ACTR3C: variants seen among roughly 807,000 people sequenced by gnomAD.
ACTR3C encodes the protein actin-related protein 3C.
In ACTR3C, 18 loss-of-function variants were observed where a neutral mutation model predicts 26.3. That is an observed-to-expected ratio of 0.68 (90% confidence interval 0.47 to 1.01). The LOEUF is 1.01. Among genes scored for constraint, ACTR3C ranks in the 50% least tolerant of loss-of-function variants. ACTR3C has a pLI of 0.00. For synonymous variants in ACTR3C, 55 were observed against 94.5 expected (o/e 0.58, Z 2.42); for missense variants, 184 against 250.7 (o/e 0.73, Z 1.80).
chr7:150,194,492 A>G, the ACTR3C span, among the ~76,000 whole-genome samples: 2 of 149,472 alleles, frequency 1.3e-5, no homozygotes, highest in African/African-American at 4.9e-5. Context: ...AAGAGCTTAT[A>G]GTTTTTTCTT....
the ACTR3C span, among the ~76,000 whole-genome samples, chr7:149,908,232 C>G: frequency 5.3e-5 from 8 of 152,280 alleles, no homozygotes; most frequent in East Asian, 1.9e-4. Flanking sequence ...TCTTGGACTT[C>G]CAACCTCCAG....
chr7:150,195,593 G>A, the ACTR3C span, among the ~76,000 whole-genome samples: 5 of 143,642 alleles, frequency 3.5e-5, no homozygotes, highest in African/African-American at 3.0e-5. Context: ...ATCACTTCAG[G>A]GGGGGCCAGG....
At chr7:150,200,652 T>A in the ACTR3C span, among the ~76,000 whole-genome samples, 1 of 152,150 alleles carries the variant, frequency 6.6e-6, no homozygotes, top group East Asian at 1.9e-4. Flanking sequence ...CCAGCACAAC[T>A]GCCTTGAAAA....
At chr7:150,035,916 G>A in the ACTR3C span, among the ~76,000 whole-genome samples, 1 of 138,180 alleles carries the variant, frequency 7.2e-6, no homozygotes, top group Admixed American at 6.9e-5. Context: ...CCCTCGCGGG[G>A]GGTGCCTCGC....
the ACTR3C span, among the ~76,000 whole-genome samples, chr7:150,163,413 C>T: frequency 6.6e-6 from 1 of 151,034 alleles, no homozygotes. Context: ...TATACACATA[C>T]ACACTTATCT....
the ACTR3C span, among the ~76,000 whole-genome samples, chr7:150,225,342 T>A: frequency 1.3e-5 from 2 of 152,204 alleles, no homozygotes. Flanking sequence ...TATGTCTATA[T>A]TCAGCCAAAT....
intron 6 of ACTR3C, chr7:150,264,881 T>G (rs1262283710): frequency 2.0e-6 from 2 of 981,122 alleles, no homozygotes; most frequent in Non-Finnish European, 2.4e-6. Flanking sequence ...TTTGCTGTGG[T>G]AGAAAATAGA....
the ACTR3C span, among the ~76,000 whole-genome samples, chr7:149,980,732 C>G: frequency 6.6e-6 from 1 of 152,156 alleles, no homozygotes; most frequent in African/African-American, 2.4e-5. Flanking sequence ...GTATGTCTTA[C>G]CTAACAGGCA....
the ACTR3C span, among the ~76,000 whole-genome samples, chr7:150,231,193 C>A: frequency 6.6e-6 from 1 of 152,036 alleles, no homozygotes; most frequent in East Asian, 1.9e-4. Context: ...TTATTTAGAT[C>A]GTGCGATATT....
At chr7:150,111,079 T>C in the ACTR3C span, among the ~76,000 whole-genome samples, 39,568 of 143,574 alleles carry the variant, frequency 0.28, 5,905 homozygotes, top group African/African-American at 0.34. Context: ...ACCTCACAGG[T>C]ACCCACATCC....
At chr7:149,893,580 A>G in the ACTR3C span, among the ~76,000 whole-genome samples, 3 of 152,254 alleles carry the variant, frequency 2.0e-5, no homozygotes, top group African/African-American at 7.2e-5. Context: ...CTTCTAAGAC[A>G]CAGACAGGAT....
At chr7:150,118,265 G>A in the ACTR3C span, among the ~76,000 whole-genome samples, 1 of 152,004 alleles carries the variant, frequency 6.6e-6, no homozygotes, top group South Asian at 2.1e-4. Flanking sequence ...GCTTCAGAAG[G>A]TGGATAATAA....
At chr7:150,249,701 T>C (rs2888650) in intron 6 of ACTR3C, among the ~76,000 whole-genome samples, 10,527 of 152,226 alleles carry the variant, frequency 0.069, 1,203 homozygotes, top group African/African-American at 0.24. Flanking sequence ...GTGATCCGCC[T>C]GCCTCGGCCT....
At chr7:150,224,495 G>A in the ACTR3C span, among the ~76,000 whole-genome samples, 3 of 152,176 alleles carry the variant, frequency 2.0e-5, no homozygotes, top group Admixed American at 6.5e-5. Context: ...TTTCTCACAT[G>A]TATTCAACAT....
At chr7:149,895,469 A>T in the ACTR3C span, among the ~76,000 whole-genome samples, 1 of 152,346 alleles carries the variant, frequency 6.6e-6, no homozygotes, top group East Asian at 1.9e-4. Context: ...TTCACAATGT[A>T]TATAGACTTC....
chr7:150,158,579 G>A, the ACTR3C span, among the ~76,000 whole-genome samples: 1 of 152,188 alleles, frequency 6.6e-6, no homozygotes. Context: ...CCCAGGCACA[G>A]AATGATAAAC....
intron 2 of ACTR3C, among the ~76,000 whole-genome samples, chr7:150,294,309 C>T (rs556338954): frequency 4.3e-4 from 66 of 152,328 alleles, no homozygotes; most frequent in African/African-American, 1.3e-3. Flanking sequence ...CACACGGCGG[C>T]GCCCACAACA....
the ACTR3C span, among the ~76,000 whole-genome samples, chr7:150,138,251 T>C: frequency 5.9e-5 from 9 of 152,042 alleles, no homozygotes; most frequent in Non-Finnish European, 1.3e-4. Context: ...ATATTGAAAG[T>C]TCAGGCAGAG....
At chr7:149,956,513 T>C in the ACTR3C span, among the ~76,000 whole-genome samples, 1 of 152,250 alleles carries the variant, frequency 6.6e-6, no homozygotes, top group South Asian at 2.1e-4. Flanking sequence ...TAGTGAAGTG[T>C]TACCCATGTT....
Sources: gnomAD v4.1 joint callset for allele counts (sites outside exome capture counted in the v4.1 genomes callset) on GRCh38, gnomAD v4.1.1 for gene constraint, MANE v1.5 for transcripts, NCBI Gene and HGNC (gene_info 2026-07-23, HGNC 2026-07-21) for gene names.